Variants in CASTOR2 observed in about 807,000 individuals in gnomAD.
The protein encoded by CASTOR2 is GATS protein like 2.
A neutral mutation model predicts 31.2 loss-of-function variants in CASTOR2; 8 were observed. The ratio of observed to expected loss-of-function variants is 0.26; its 90% CI spans 0.15 to 0.46. The LOEUF is 0.46. CASTOR2 is among the 20% of genes least tolerant of loss of function. CASTOR2 has a pLI of 0.99. For missense variants in CASTOR2, 216 were observed against 382.1 expected (o/e 0.57, Z 3.62); for synonymous variants, 162 against 158.7 (o/e 1.02, Z -0.16).
At chr7:74,990,564 A>G (rs1368710743) in intron 1 of CASTOR2, among the ~76,000 whole-genome samples, 1 of 151,952 alleles carries the variant, frequency 6.6e-6, no homozygotes, top group Non-Finnish European at 1.5e-5. Flanking sequence ...ACAAAAAAAT[A>G]AAAAATTAGG....
At chr7:75,016,237 A>G (rs2131952749) in intron 2 of CASTOR2, among the ~76,000 whole-genome samples, 1 of 152,338 alleles carries the variant, frequency 6.6e-6, no homozygotes, top group South Asian at 2.1e-4. Context: ...GTGTGGTCAC[A>G]CATAGTGTGT....
intron 1 of CASTOR2, among the ~76,000 whole-genome samples, chr7:74,998,996 C>CT (rs1273432344): frequency 4.8e-4 from 71 of 148,582 alleles, no homozygotes; most frequent in Admixed American, 2.4e-3. Context: ...TATTTTCTAT[C>CT]TTTTTTTTTT....
rs1259699404 is a variant in CASTOR2 at position 75,030,488 on chromosome 7, T to C, written c.*5789T>C. ...GAACTACTCTGGAGGGGGGCAAAGG[T>C]GTCAGGAACAGTTTGAGCAGTTCTG... On this transcript the variant is annotated 3_prime_UTR_variant, in exon 9 of 9. Coordinates refer to ENST00000616305, the MANE Select transcript of CASTOR2 (RefSeq NM_001145064.3). Among the ~76,000 whole-genome samples the C allele has an allele frequency of 6.6e-6, 1 of 152,084 alleles. No homozygotes were observed. The highest frequency in any genetic ancestry group is 2.4e-5 in the African/African-American group (1 of 41,386).
chr7:75,026,042 G>A lies in CASTOR2; in HGVS notation c.*1343G>A, dbSNP rs1288620346. On this transcript the variant is annotated 3_prime_UTR_variant, in exon 9 of 9. Transcript: ENST00000616305. ...CACCGGAGGGGGTGAGGGAACCCGA[G>A]GGCCATGGGGAGGTGGACAGCCAGG... is the stretch of plus-strand genomic sequence containing the variant. Among the ~76,000 whole-genome samples, 4 of 152,190 alleles carry A rather than the reference G, an allele frequency of 2.6e-5. No individual in the cohort carries two copies. The highest frequency in any genetic ancestry group is 4.8e-5 in the African/African-American group (2 of 41,468).
intron 2 of CASTOR2, among the ~76,000 whole-genome samples, chr7:75,011,123 GTGC>G (rs1273174055): frequency 2.3e-4 from 35 of 151,934 alleles, no homozygotes; most frequent in Non-Finnish European, 4.1e-4. Flanking sequence ...ACCTCCCAAA[GTGC>G]TGCCAAAATA....
intron 1 of CASTOR2, among the ~76,000 whole-genome samples, chr7:74,977,836 A>T (rs1394253366): frequency 6.7e-6 from 1 of 148,856 alleles, no homozygotes; most frequent in African/African-American, 2.5e-5. Context: ...TCGCCACTAC[A>T]CCCAGATAAT....
chr7:74,990,354 C>G (rs1804177090), intron 1 of CASTOR2, among the ~76,000 whole-genome samples: 1 of 150,086 alleles, frequency 6.7e-6, no homozygotes, highest in South Asian at 2.1e-4. Flanking sequence ...CGCCACTGCA[C>G]TCCAGCCTGG....
At chr7:74,969,249 A>T (rs1584454671) in intron 1 of CASTOR2, among the ~76,000 whole-genome samples, 2 of 75,678 alleles carry the variant, frequency 2.6e-5, no homozygotes, top group Admixed American at 1.3e-4. Flanking sequence ...GCCTTTCTGT[A>T]TTCCTGCCTA....
At chr7:75,007,725 G>C (rs1280578507) in intron 1 of CASTOR2, among the ~76,000 whole-genome samples, 1 of 152,066 alleles carries the variant, frequency 6.6e-6, no homozygotes, top group Non-Finnish European at 1.5e-5. Context: ...CCTCAGGCCT[G>C]GACACAGTCA....
At chr7:75,006,221 C>A (rs1804602441) in intron 1 of CASTOR2, among the ~76,000 whole-genome samples, 5 of 152,152 alleles carry the variant, frequency 3.3e-5, no homozygotes, top group Non-Finnish European at 7.3e-5. Flanking sequence ...GCGTTCAAGG[C>A]TTCCATGAGC....
rs1191690030 is a variant in CASTOR2 at position 75,024,943 on chromosome 7, T to G, written c.*244T>G. ...GAGAACGACCTTTCTCTTCCCTACC[T>G]CCCCCACCCCGGAAAATGCTTTCGG... On this transcript the variant is annotated 3_prime_UTR_variant, in exon 9 of 9. Coordinates refer to ENST00000616305, the MANE Select transcript of CASTOR2 (RefSeq NM_001145064.3). 5 of 873,040 alleles carry G rather than the reference T, an allele frequency of 5.7e-6. No homozygotes were observed. The African/African-American group carries it at 8.5e-5, about 15-fold the overall frequency. The allele number at this position is 873,040 out of a possible 1,614,324, so 54.1% of individuals were successfully genotyped here.
rs1242291596 is a variant in CASTOR2, at chr7:75,028,668, C to G, written c.*3969C>G. Among the ~76,000 whole-genome samples the G allele has an allele frequency of 6.6e-6, 1 of 152,128 alleles. No individual in the cohort carries two copies. Among genetic ancestry groups the G allele is most frequent in the Non-Finnish European group, 1.5e-5 (1 of 68,012 alleles). On this transcript the variant is annotated 3_prime_UTR_variant, in exon 9 of 9. Transcript: ENST00000616305. ...GGGGCTCCCCTGGTTCCCAAGACAC[C>G]CCTTCCTCCCTCAGCCCGTCGTCCT...
intron 1 of CASTOR2, among the ~76,000 whole-genome samples, chr7:74,984,318 G>A (rs1473557399): frequency 2.7e-5 from 4 of 150,706 alleles, no homozygotes; most frequent in South Asian, 4.3e-4. Flanking sequence ...TTTGGGGTTG[G>A]GGATCTCCAA....
intron 2 of CASTOR2, among the ~76,000 whole-genome samples, chr7:75,014,515 C>T (rs1804823380): frequency 6.6e-6 from 1 of 151,892 alleles, no homozygotes; most frequent in East Asian, 1.9e-4. Context: ...TCGCTTGAAC[C>T]CGGGAGGCAG....
chr7:75,029,406 C>A lies in CASTOR2; in HGVS notation c.*4707C>A, dbSNP rs900949991. On this transcript the variant is annotated 3_prime_UTR_variant, in exon 9 of 9. Transcript: ENST00000616305. ...TGAGACAGGCTGGAGTGCAGTGGTG[C>A]GATCTCGGTTCGCTGCAACCTCTGC... 1.4e-5 allele frequency among the ~76,000 whole-genome samples: 2 copies of A among 144,496 alleles called. No individual in the cohort carries two copies. Among genetic ancestry groups the A allele is most frequent in the African/African-American group, 5.2e-5 (2 of 38,440 alleles). The allele number at this position is 144,496 out of a possible 152,430, so 94.8% of individuals were successfully genotyped here. A position where few individuals can be genotyped will look rare whatever the true frequency, so the allele number is the denominator to read the frequency against.
At chr7:74,974,456 T>G (rs1331478810) in intron 1 of CASTOR2, among the ~76,000 whole-genome samples, 1 of 150,506 alleles carries the variant, frequency 6.6e-6, no homozygotes, top group Non-Finnish European at 1.5e-5. Flanking sequence ...TGGCTGGGAG[T>G]GCAGGGGCAG....
intron 1 of CASTOR2, among the ~76,000 whole-genome samples, chr7:75,001,936 C>T (rs1804506874): frequency 6.6e-6 from 1 of 152,162 alleles, no homozygotes; most frequent in African/African-American, 2.4e-5. Context: ...GGCTGTGATG[C>T]ACCACCAGCC....
In CASTOR2 at chr7:75,029,608, T is replaced by C. The variant is rs1805244119; in HGVS notation, c.*4909T>C. Reference sequence around the variant, plus strand: ...ATCCGCCCACCTTGGCCTCCCAAAGTGCTGGGATTACAGGCATGAGATACC... The same window carrying C: ...ATCCGCCCACCTTGGCCTCCCAAAGCGCTGGGATTACAGGCATGAGATACC... On this transcript the variant is annotated 3_prime_UTR_variant, in exon 9 of 9. Coordinates refer to ENST00000616305, the MANE Select transcript of CASTOR2 (RefSeq NM_001145064.3). 6.6e-6 allele frequency among the ~76,000 whole-genome samples: 1 copy of C among 152,014 alleles called. No homozygotes were observed. The highest frequency in any genetic ancestry group is 1.5e-5 in the Non-Finnish European group (1 of 67,990).
rs1554440006 is a variant in CASTOR2 at position 75,017,832 on chromosome 7, C to T, written c.378+41C>T. 158 of 1,613,958 alleles carry T rather than the reference C, an allele frequency of 9.8e-5. 1 individual carries two copies. The highest frequency in any genetic ancestry group is 9.2e-4 in the South Asian group (84 of 91,060). ...CAGACACGCCTTGCACACTCATGCCCGCCTCTGACACACTCACTCCCATCT... is the reference window on the plus strand; with the variant it reads ...CAGACACGCCTTGCACACTCATGCCTGCCTCTGACACACTCACTCCCATCT... On this transcript the variant is annotated intron_variant, in intron 3 of 8. Coordinates refer to ENST00000616305, the MANE Select transcript of CASTOR2 (RefSeq NM_001145064.3).
Sources: allele counts gnomAD v4.1 joint callset (sites outside exome capture counted in the v4.1 genomes callset), GRCh38; gene constraint gnomAD v4.1.1; transcripts MANE v1.5; gene names NCBI Gene and HGNC (gene_info 2026-07-23, HGNC 2026-07-21).